KDM4B: variants seen among roughly 807,000 people sequenced by gnomAD.
The protein encoded by KDM4B is lysine-specific demethylase 4B.
KDM4B carries 32 observed loss-of-function variants against 125.2 expected under a neutral mutation model. The ratio of observed to expected loss-of-function variants is 0.26; its 90% CI spans 0.19 to 0.34. The LOEUF (loss-of-function observed/expected upper bound fraction) is 0.34. KDM4B is among the 10% of genes least tolerant of loss of function. The pLI is 1.00. For synonymous variants in KDM4B, 721 were observed against 677.9 expected, an observed-to-expected ratio of 1.06 and a Z score of -0.99; for missense variants, 1,190 against 1,577.7, an observed-to-expected ratio of 0.75 and a Z score of 4.16.
chr19:4,996,235 C>T (rs936753535), intron 1 of KDM4B, among the ~76,000 whole-genome samples: 2 of 152,198 alleles, frequency 1.3e-5, no homozygotes, highest in African/African-American at 4.8e-5. Context: ...GGTGATCAGC[C>T]TACCTCAGCC....
In KDM4B at chr19:5,119,726, G is replaced by C; in HGVS notation, c.1189G>C (p.Gly397Arg). 1 of 1,551,360 alleles carries C rather than the reference G, an allele frequency of 6.4e-7. No homozygotes were observed. Among genetic ancestry groups the C allele is most frequent in the Non-Finnish European group, 8.7e-7 (1 of 1,147,338 alleles). ...DPKFPGEGTA[G>R]AALLEEAGGS... ...CAAGTTCCCTGGGGAGGGTACGGCT[G>C]GGGCAGCGCTCCTAGAGGAGGCTGG... Residue 397 changes from glycine (G) to arginine (R), a missense_variant, in exon 11 of 23, where the codon GGG becomes CGG. This residue lies in a region of KDM4B where 428 missense variants were observed against 405.1 expected (regional missense o/e 1.06). Transcript: ENST00000159111.
intron 9 of KDM4B, among the ~76,000 whole-genome samples, chr19:5,088,309 A>T (rs2038572881): frequency 6.6e-6 from 1 of 152,184 alleles, no homozygotes; most frequent in Admixed American, 6.5e-5. Context: ...CGGCTCCTGC[A>T]AAAACTCGCT....
At chr19:5,001,338 T>C (rs1222207305) in intron 1 of KDM4B, among the ~76,000 whole-genome samples, 1 of 152,156 alleles carries the variant, frequency 6.6e-6, no homozygotes, top group Non-Finnish European at 1.5e-5. Context: ...ACCTTTTCTT[T>C]CGCACGTGAA....
intron 1 of KDM4B, among the ~76,000 whole-genome samples, chr19:4,984,899 A>G (rs2034775968): frequency 6.6e-6 from 1 of 152,066 alleles, no homozygotes; most frequent in African/African-American, 2.4e-5. Context: ...TCCCTGTACT[A>G]ATTAATTTGG....
At chr19:5,010,223 G>A (rs778797947) in intron 1 of KDM4B, among the ~76,000 whole-genome samples, 1 of 152,200 alleles carries the variant, frequency 6.6e-6, no homozygotes. Context: ...TTTGTAGAAG[G>A]AACTTCCCTT....
chr19:5,106,713 T>C (rs1337459475), intron 9 of KDM4B, among the ~76,000 whole-genome samples: 1 of 152,174 alleles, frequency 6.6e-6, no homozygotes, highest in Non-Finnish European at 1.5e-5. Flanking sequence ...CCCCCTGACA[T>C]GAGCACTGTC....
chr19:5,039,170 G>C (rs539334259), intron 3 of KDM4B, among the ~76,000 whole-genome samples: 2 of 152,238 alleles, frequency 1.3e-5, no homozygotes, highest in African/African-American at 4.8e-5. Context: ...TTACCAGGGC[G>C]CAGTGGCTCA....
At position 5,141,249 on chromosome 19, in the gene KDM4B, G is replaced by A. The variant is rs370603846; in HGVS notation, c.2551-2718G>A. The A allele has an allele frequency of 4.6e-5, 7 of 152,314 alleles. No homozygotes were observed. In the East Asian group the frequency reaches 1.4e-3, roughly 29 times the overall value. 9.4% of individuals were successfully genotyped at this position (152,314 alleles called of 1,614,324 possible). ...GTTCGTGGAGTGGAGTGTGCAGTGG[G>A]TCACGCCGGCCTGGCCGGGCACGGC... On this transcript the variant is annotated intron_variant, in intron 18 of 22. Transcript: ENST00000159111. This position sits in a 1 kb window ranked among gnomAD's most constrained non-coding sequence, Gnocchi z 6.4.
At chr19:5,010,900 G>C (rs140273587) in intron 1 of KDM4B, among the ~76,000 whole-genome samples, 6,823 of 152,128 alleles carry the variant, frequency 0.045, 513 homozygotes, top group African/African-American at 0.15. Context: ...CACCTGCCTC[G>C]GCCTCCCAAA....
At chr19:5,147,513 G>A (rs1300254763) in intron 21 of KDM4B, among the ~76,000 whole-genome samples, 2 of 152,172 alleles carry the variant, frequency 1.3e-5, no homozygotes, top group Non-Finnish European at 2.9e-5. Flanking sequence ...GGGAGGCTGA[G>A]GTGGGCAGAG....
intron 9 of KDM4B, among the ~76,000 whole-genome samples, chr19:5,091,569 C>G (rs541580521): frequency 6.6e-6 from 1 of 152,208 alleles, no homozygotes; most frequent in Admixed American, 6.5e-5. Flanking sequence ...AACCAGGCCT[C>G]TCCTAAAACC....
Position 5,071,049 on chromosome 19 carries a change from G to T in KDM4B, c.666G>T (p.Arg222=), listed in dbSNP as rs553775484. 1.2e-5 allele frequency: 20 copies of T among 1,613,198 alleles called. No homozygotes were observed. The South Asian group carries it at 2.1e-4, about 17-fold the overall frequency. The part of the protein sequence containing the change: ...IPPEHGKRLE[R]LAIGFFPGSS... Reference sequence around the variant, plus strand: ...CAGAGCACGGCAAGCGCCTGGAGCGGCTGGCCATCGGTAGGTGCCTGCCCT... The same window carrying T: ...CAGAGCACGGCAAGCGCCTGGAGCGTCTGGCCATCGGTAGGTGCCTGCCCT... Residue 222 remains arginine (R), a synonymous_variant, in exon 7 of 23, where the codon CGG becomes CGT. Coordinates refer to ENST00000159111, the MANE Select transcript of KDM4B (RefSeq NM_015015.3).
intron 10 of KDM4B, among the ~76,000 whole-genome samples, chr19:5,116,350 T>C (rs2039256409): frequency 6.6e-6 from 1 of 150,654 alleles, no homozygotes; most frequent in Non-Finnish European, 1.5e-5. Flanking sequence ...CCTTCAAAAG[T>C]CAGAAGAGGA....
intron 6 of KDM4B, among the ~76,000 whole-genome samples, chr19:5,052,604 C>T (rs2145731295): frequency 6.6e-6 from 1 of 152,372 alleles, no homozygotes; most frequent in African/African-American, 2.4e-5. Context: ...GCTCCATCTC[C>T]TGCTGGCAGC....
chr19:4,993,109 T>C (rs568438418), intron 1 of KDM4B, among the ~76,000 whole-genome samples: 2 of 152,246 alleles, frequency 1.3e-5, no homozygotes, highest in Admixed American at 1.3e-4. Flanking sequence ...TGTTATCTTT[T>C]ATTGAAAGTG....
chr19:5,143,673 G>A (rs988155351), intron 18 of KDM4B, among the ~76,000 whole-genome samples: 1 of 152,130 alleles, frequency 6.6e-6, no homozygotes, highest in African/African-American at 2.4e-5. Context: ...CACGCAGGGG[G>A]ACGGGAGAGG....
intron 11 of KDM4B, among the ~76,000 whole-genome samples, chr19:5,126,555 C>T (rs2039452650): frequency 6.6e-6 from 1 of 152,248 alleles, no homozygotes; most frequent in Non-Finnish European, 1.5e-5. Flanking sequence ...GCAGCCAGCC[C>T]CCAGCCCTTC....
intron 1 of KDM4B, among the ~76,000 whole-genome samples, chr19:4,974,326 C>T (rs2034367741): frequency 1.3e-5 from 2 of 150,008 alleles, no homozygotes; most frequent in African/African-American, 2.5e-5. Context: ...GGTGTGAACC[C>T]GAGAGGCGGA....
Position 5,133,873 on chromosome 19 carries a change from G to T in KDM4B, c.1907-10G>T. 6.2e-7 allele frequency: 1 copy of T among 1,611,826 alleles called. No homozygotes were observed. The highest frequency in any genetic ancestry group is 1.1e-5 in the South Asian group (1 of 90,942). On this transcript the variant is annotated splice_polypyrimidine_tract_variant and intron_variant, in intron 13 of 22. Coordinates refer to ENST00000159111, the MANE Select transcript of KDM4B (RefSeq NM_015015.3). ...AAGTGTCTCTCTCCCTCTCCCCTCT[G>T]TTCTTCTAGAGGCATCCCCTTTCTC... is the stretch of plus-strand genomic sequence containing the variant.
Sources: allele counts gnomAD v4.1 joint callset (sites outside exome capture counted in the v4.1 genomes callset), GRCh38; gene constraint gnomAD v4.1.1; regional missense constraint gnomAD v4.1.1; non-coding constraint Gnocchi (gnomAD v3.1); transcripts MANE v1.5; gene names NCBI Gene and HGNC (gene_info 2026-07-23, HGNC 2026-07-21).